Variants in WNT5A observed in about 807,000 individuals in gnomAD.
WNT5A encodes the protein protein Wnt-5a.
A neutral mutation model predicts 42.1 loss-of-function variants in WNT5A; 9 were observed. The ratio of observed to expected loss-of-function variants is 0.21; its 90% confidence interval spans 0.13 to 0.37. WNT5A has a LOEUF of 0.37. Ranked by LOEUF, WNT5A falls within the 10% of genes least tolerant of loss-of-function variation. The pLI is 1.00. For synonymous variants in WNT5A, 210 were observed against 210.0 expected (o/e 1.00, Z 0.00); for missense variants, 426 against 534.0 (o/e 0.80, Z 1.99).
chr3:55,479,608 C>T (rs372718150), intron 2 of WNT5A, 44 bp from the exon 3 acceptor site: 288 of 1,532,986 alleles, frequency 1.9e-4, no homozygotes, highest in Non-Finnish European at 2.3e-4. Flanking sequence ...CGTGAAATCT[C>T]GAGGTGGGCC....
At chr3:55,492,749 G>C (rs996625902), upstream of WNT5A, among the ~76,000 whole-genome samples, 1 of 152,174 alleles carries the variant, frequency 6.6e-6, no homozygotes, top group African/African-American at 2.4e-5. Context: ...CCAGATGCTA[G>C]CCCTGTCTAA....
chr3:55,498,193 C>A, the WNT5A span, among the ~76,000 whole-genome samples: 1 of 152,174 alleles, frequency 6.6e-6, no homozygotes, highest in African/African-American at 2.4e-5. Flanking sequence ...CACTGTTCAT[C>A]ATGGAGTTTT....
rs886058739 is a variant in WNT5A at position 55,467,607 on chromosome 3, T to C, written c.*2485A>G. ...AATATACAAGTAACGTTTTATTTTATATTCTATCTTCCATTTGGCATAAGC... is the reference window on the plus strand; with the variant it reads ...AATATACAAGTAACGTTTTATTTTACATTCTATCTTCCATTTGGCATAAGC... On this transcript the variant is annotated 3_prime_UTR_variant, in exon 5 of 5. Transcript: ENST00000264634. 2.0e-5 allele frequency: 3 copies of C among 152,618 alleles called. No individual in the cohort carries two copies. The highest frequency in any genetic ancestry group is 4.4e-5 in the Non-Finnish European group (3 of 68,034). 9.5% of individuals were successfully genotyped at this position (152,618 alleles called of 1,614,324 possible).
rs1377305975 is a variant in WNT5A at position 55,466,612 on chromosome 3, TA to T, written c.*3479del. On this transcript the variant is annotated 3_prime_UTR_variant, in exon 5 of 5. Coordinates refer to ENST00000264634, the MANE Select transcript of WNT5A (RefSeq NM_003392.7). ...TCTTTCTATTTGAGCCCATAATGAC[TA>T]TTTTGAACATGGCTCTTTTGCTGCT... 6.6e-6 allele frequency: 1 copy of T among 152,618 alleles called. No individual in the cohort carries two copies. The highest frequency in any genetic ancestry group is 2.4e-5 in the African/African-American group (1 of 41,464). 9.5% of individuals were successfully genotyped at this position (152,618 alleles called of 1,614,324 possible). A position where few individuals can be genotyped will look rare whatever the true frequency, so the allele number is the denominator to read the frequency against.
At chr3:55,484,685 T>TACACACACACACAC (rs67013864) in intron 1 of WNT5A, among the ~76,000 whole-genome samples, 7 of 137,896 alleles carry the variant, frequency 5.1e-5, no homozygotes, top group Non-Finnish European at 7.9e-5. Context: ...GGCCCCAGGA[T>TACACACACACACAC]ACACACACAC....
Position 55,468,367 on chromosome 3 carries a change from A to G in WNT5A, c.*1725T>C, listed in dbSNP as rs1052895035. On this transcript the variant is annotated 3_prime_UTR_variant, in exon 5 of 5. Coordinates refer to ENST00000264634, the MANE Select transcript of WNT5A (RefSeq NM_003392.7). ...GTGAACAGAAATGGAGGTTGGAGAC[A>G]AAGGGGTGAGGCAGAAAAGAAAAAA... The G allele has an allele frequency of 6.6e-6, 1 of 152,160 alleles. No individual in the cohort carries two copies. Among genetic ancestry groups the G allele is most frequent in the African/African-American group, 2.4e-5 (1 of 41,448 alleles). The allele number at this position is 152,160 out of a possible 1,614,324, so 9.4% of individuals were successfully genotyped here. A position where few individuals can be genotyped will look rare whatever the true frequency, so the allele number is the denominator to read the frequency against.
intron 4 of WNT5A, among the ~76,000 whole-genome samples, chr3:55,471,467 T>C (rs1385115885): frequency 6.6e-6 from 1 of 152,222 alleles, no homozygotes; most frequent in Non-Finnish European, 1.5e-5. Context: ...CTCTGTTTTC[T>C]ATCTGCGAAG....
upstream of WNT5A, among the ~76,000 whole-genome samples, chr3:55,493,581 G>T (rs569864341): frequency 7.2e-5 from 11 of 152,270 alleles, no homozygotes; most frequent in South Asian, 1.9e-3. Context: ...GACCTGGTTG[G>T]CCTTGTTCAT....
At chr3:55,471,539 A>G (rs1251702701) in intron 4 of WNT5A, among the ~76,000 whole-genome samples, 1 of 152,242 alleles carries the variant, frequency 6.6e-6, no homozygotes, top group African/African-American at 2.4e-5. Flanking sequence ...GGAGATGTGG[A>G]AAGTGCTTGG....
chr3:55,499,968 C>T, the WNT5A span, among the ~76,000 whole-genome samples: 1 of 113,878 alleles, frequency 8.8e-6, no homozygotes, highest in East Asian at 2.0e-4. Flanking sequence ...GAACGAGACT[C>T]CATCCCCCCT....
chr3:55,467,200 CA>C lies in WNT5A; in HGVS notation c.*2891del, dbSNP rs1279794943. ...GCAGTGGTAAACACACAAAAAAATACATTTTTTTGGACTAAAAATCTGGTCA... is the reference window on the plus strand; with the variant it reads ...GCAGTGGTAAACACACAAAAAAATACTTTTTTTGGACTAAAAATCTGGTCA... On this transcript the variant is annotated 3_prime_UTR_variant, in exon 5 of 5. Transcript: ENST00000264634. 1 of 152,398 alleles carries C rather than the reference CA, an allele frequency of 6.6e-6. No homozygotes were observed. Among genetic ancestry groups the C allele is most frequent in the Admixed American group, 6.5e-5 (1 of 15,276 alleles). 9.4% of individuals were successfully genotyped at this position (152,398 alleles called of 1,614,324 possible). A position where few individuals can be genotyped will look rare whatever the true frequency, so the allele number is the denominator to read the frequency against.
At position 55,470,506 on chromosome 3, in the gene WNT5A, C is replaced by A; in HGVS notation, c.729G>T (p.Val243=). The part of the protein sequence containing the change: ...LADVACKCHG[V]SGSCSLKTCW... ...ATGTCTTCAGGCTACATGAGCCGGA[C>A]ACCCCATGGCACTTGCAGGCCACAT... Residue 243 remains valine, a synonymous_variant, in exon 5 of 5, where the codon GTG becomes GTT. Coordinates refer to ENST00000264634, the MANE Select transcript of WNT5A (RefSeq NM_003392.7). 6.3e-7 allele frequency: 1 copy of A among 1,589,700 alleles called. No homozygotes were observed. Among genetic ancestry groups the A allele is most frequent in the South Asian group, 1.1e-5 (1 of 87,140 alleles).
At chr3:55,481,348 T>TGGAGCCAGAATTAATTCCATGGGCGAGA (rs1174708751) in intron 1 of WNT5A, 4 of 986,280 alleles carry the variant, frequency 4.1e-6, no homozygotes, top group Non-Finnish European at 4.8e-6. Context: ...GAGCAACAAG[T>TGGAGCCAGAATTAATTCCATGGGCGAGA]GGAGCCAGAA....
In WNT5A at chr3:55,483,018, G is replaced by A. The variant is rs1266780218; in HGVS notation, c.7-2100C>T. The stretch of plus-strand genomic sequence containing the variant: ...GCGTGCACTTTCCAAGCTTCGCGGC[G>A]AGCGGGGCGCGTGGGGCGGGGCTCA... On this transcript the variant is annotated intron_variant, in intron 1 of 4. Coordinates refer to ENST00000264634, the MANE Select transcript of WNT5A (RefSeq NM_003392.7). This position sits in a 1 kb window ranked among gnomAD's most constrained non-coding sequence, Gnocchi z 4.2. Among the ~76,000 whole-genome samples, 1 of 152,214 alleles carries A rather than the reference G, an allele frequency of 6.6e-6. No homozygotes were observed. The highest frequency in any genetic ancestry group is 1.5e-5 in the Non-Finnish European group (1 of 68,050).
chr3:55,496,319 A>G, the WNT5A span, among the ~76,000 whole-genome samples: 1 of 152,204 alleles, frequency 6.6e-6, no homozygotes, highest in African/African-American at 2.4e-5. Flanking sequence ...TCAAATGACA[A>G]TTCATTGGCT....
Position 55,469,300 on chromosome 3 carries a change from T to C in WNT5A, c.*792A>G, listed in dbSNP as rs1356501541. 1.3e-5 allele frequency: 2 copies of C among 152,172 alleles called. No homozygotes were observed. Among genetic ancestry groups the C allele is most frequent in the African/African-American group, 4.8e-5 (2 of 41,442 alleles). 9.4% of individuals were successfully genotyped at this position (152,172 alleles called of 1,614,324 possible). On this transcript the variant is annotated 3_prime_UTR_variant, in exon 5 of 5. Transcript: ENST00000264634. ...AAAAAAATCTAGTGTCCAGAATCAT[T>C]TGGGGATCTTTTTACAATCTGGAAT...
At position 55,480,820 on chromosome 3, in the gene WNT5A, G is replaced by A; in HGVS notation, c.105C>T (p.Ser35=). The A allele has an allele frequency of 1.9e-6, 3 of 1,577,420 alleles. No homozygotes were observed. The highest frequency in any genetic ancestry group is 1.7e-6 in the Non-Finnish European group (2 of 1,160,424). Residue 35 remains serine, a synonymous_variant, in exon 2 of 5, where the codon TCC becomes TCT. Coordinates refer to ENST00000264634, the MANE Select transcript of WNT5A (RefSeq NM_003392.7). The part of the protein sequence containing the change: ...FFLVALAIFF[S]FAQVVIEANS... ...TGGCTTCAATTACAACCTGGGCGAAGGAGAAAAATATGGCCAAAGCCACTA... is the reference window on the plus strand; with the variant it reads ...TGGCTTCAATTACAACCTGGGCGAAAGAGAAAAATATGGCCAAAGCCACTA...
upstream of WNT5A, chr3:55,489,278 GACACACACACGCGCGCACACACAC>G (rs1358760829): frequency 8.5e-6 from 1 of 117,414 alleles, no homozygotes; most frequent in African/African-American, 3.7e-5. Context: ...CAAAGGTGAA[GACACACACACGCGCGCACACACAC>G]ACACACACAC....
At chr3:55,470,746 C>A (rs1264946678) in intron 4 of WNT5A, among the ~76,000 whole-genome samples, 196 bp from the exon 5 acceptor site, 2 of 152,116 alleles carry the variant, frequency 1.3e-5, no homozygotes, top group African/African-American at 4.8e-5. Flanking sequence ...ATGTTCTTAA[C>A]CACTCATTAT....
Sources: gnomAD v4.1 joint callset for allele counts (sites outside exome capture counted in the v4.1 genomes callset) on GRCh38, gnomAD v4.1.1 for gene constraint, Gnocchi (gnomAD v3.1) non-coding constraint, MANE v1.5 for transcripts, NCBI Gene and HGNC (gene_info 2026-07-23, HGNC 2026-07-21) for gene names.